Variants in LZTFL1 observed in about 807,000 individuals in gnomAD.
LZTFL1 encodes leucine zipper transcription factor-like protein 1.
Under a neutral mutation model 45.9 loss-of-function variants are expected in LZTFL1, and 25 were observed. That is an observed-to-expected ratio of 0.54 (90% CI 0.40 to 0.76). The LOEUF (loss-of-function observed/expected upper bound fraction) is 0.76. LZTFL1 is among the 30% of genes least tolerant of loss of function. LZTFL1 has a pLI of 0.00. For missense variants in LZTFL1, 277 were observed against 331.1 expected (o/e 0.84, Z 1.27); for synonymous variants, 93 against 117.4 (o/e 0.79, Z 1.35).
At position 45,902,097 on chromosome 3, in the gene LZTFL1, T is replaced by C. The variant is rs1299538806; in HGVS notation, c.-215+11023A>G. On this transcript the variant is annotated intron_variant, in intron 2 of 4. Transcript: ENST00000472635. ...ACTGACTAGTGCAGGAGGCTGTTGA[T>C]TGGCTCTTGACTGTGATGCCCGCAA... 1.3e-5 allele frequency: 7 copies of C among 548,928 alleles called. No homozygotes were observed. In the East Asian group the frequency reaches 1.5e-4, roughly 12 times the overall value. The allele number at this position is 548,928 out of a possible 1,614,324, so 34.0% of individuals were successfully genotyped here. A position where few individuals can be genotyped will look rare whatever the true frequency, so the allele number is the denominator to read the frequency against.
intron 3 of LZTFL1, among the ~76,000 whole-genome samples, chr3:45,856,839 C>T (rs572255421): frequency 1.3e-5 from 2 of 152,200 alleles, no homozygotes; most frequent in African/African-American, 4.8e-5. Context: ...TCATGCCAGT[C>T]AGAATGGTGA....
intron 2 of LZTFL1, chr3:45,883,620 A>C: frequency 5.2e-6 from 2 of 387,742 alleles, no homozygotes; most frequent in Non-Finnish European, 9.9e-6. Flanking sequence ...TCTTCAAAGT[A>C]TAAGTCAAAA....
At chr3:45,857,641 T>C (rs773384322) in intron 3 of LZTFL1, among the ~76,000 whole-genome samples, 2 of 152,242 alleles carry the variant, frequency 1.3e-5, no homozygotes, top group Non-Finnish European at 2.9e-5. Context: ...CAATTTTAAA[T>C]ATTTAAAGTA....
At chr3:45,899,678 T>C (rs183189457) in intron 2 of LZTFL1, among the ~76,000 whole-genome samples, 7 of 152,276 alleles carry the variant, frequency 4.6e-5, no homozygotes, top group East Asian at 3.9e-4. Context: ...AGAAGGAAAC[T>C]GGTGGGAAGT....
At chr3:45,910,105 G>T (rs1379384309) in intron 2 of LZTFL1, among the ~76,000 whole-genome samples, 2 of 152,160 alleles carry the variant, frequency 1.3e-5, no homozygotes, top group African/African-American at 4.8e-5. Context: ...ATTTTTAAGT[G>T]GGGTGTGGCA....
intron 2 of LZTFL1, among the ~76,000 whole-genome samples, chr3:45,868,425 T>A (rs868196641): frequency 6.6e-6 from 1 of 152,170 alleles, no homozygotes; most frequent in Non-Finnish European, 1.5e-5. Flanking sequence ...TTAGCCAAGT[T>A]CTGGTTCTAG....
chr3:45,837,804 T>C, intron 2 of LZTFL1, 123 bp downstream of exon 2: 1 of 1,074,760 alleles, frequency 9.3e-7, no homozygotes, highest in Admixed American at 2.7e-5. Context: ...GTAGCTGCTC[T>C]TAGCAAATAA....
intron 4 of LZTFL1, among the ~76,000 whole-genome samples, chr3:45,853,740 T>C (rs941868108): frequency 6.6e-6 from 1 of 152,226 alleles, no homozygotes; most frequent in Admixed American, 6.5e-5. Flanking sequence ...AAAGTCATTC[T>C]CAAGTCTCCT....
In LZTFL1 at chr3:45,901,773, G is replaced by A. The variant is rs200829701; in HGVS notation, c.-215+11347C>T. ...GGGTGAGAGATTCCGCCGGGATCTC[G>A]TGAAAACCCTGAAGAACTTGGGTTG... On this transcript the variant is annotated intron_variant, in intron 2 of 4. Coordinates refer to the LZTFL1 transcript ENST00000472635. The surrounding 1 kb of genome is among the most constrained non-coding windows in gnomAD (Gnocchi z 4.3). 1.9e-5 allele frequency: 30 copies of A among 1,614,038 alleles called. No individual in the cohort carries two copies. The highest frequency in any genetic ancestry group is 2.2e-5 in the East Asian group (1 of 44,892).
chr3:45,827,319 G>C (rs754519232), intron 9 of LZTFL1, 37 bp downstream of exon 9: 19 of 1,423,816 alleles, frequency 1.3e-5, no homozygotes, highest in Non-Finnish European at 1.9e-5. Flanking sequence ...CATCAATCCA[G>C]AGAGAGAAAT....
chr3:45,913,055 A>T (rs1463671154), intron 2 of LZTFL1: 3 of 1,433,034 alleles, frequency 2.1e-6, no homozygotes, highest in African/African-American at 2.8e-5. Flanking sequence ...AGAGAAAACC[A>T]CTCCTACAGC....
chr3:45,906,990 A>T lies in LZTFL1; in HGVS notation c.-215+6130T>A, dbSNP rs72890697. Among the ~76,000 whole-genome samples, 936 of 152,288 alleles carry T rather than the reference A, an allele frequency of 6.1e-3. 10 individuals are homozygous for T. The highest frequency in any genetic ancestry group is 0.02 in the African/African-American group (842 of 41,540). ...CAGATTCCCTGTGCGGGATCCAGGCATTACTCACTGCTGTCCCCACGTGGC... is the reference window on the plus strand; with the variant it reads ...CAGATTCCCTGTGCGGGATCCAGGCTTTACTCACTGCTGTCCCCACGTGGC... On this transcript the variant is annotated intron_variant, in intron 2 of 4. Coordinates refer to the LZTFL1 transcript ENST00000472635.
chr3:45,907,930 A>G (rs1702713060), intron 2 of LZTFL1, among the ~76,000 whole-genome samples: 1 of 152,216 alleles, frequency 6.6e-6, no homozygotes, highest in African/African-American at 2.4e-5. Context: ...TTGAGGCCAG[A>G]AAGAGCTACA....
In LZTFL1 at chr3:45,842,041, G is replaced by T. The variant is rs376649466; in HGVS notation, c.-50C>A. The T allele has an allele frequency of 5.6e-6, 9 of 1,598,316 alleles. No homozygotes were observed. Among genetic ancestry groups the T allele is most frequent in the Non-Finnish European group, 6.8e-6 (8 of 1,175,200 alleles). On this transcript the variant is annotated 5_prime_UTR_variant, in exon 1 of 10. Transcript: ENST00000296135. The stretch of plus-strand genomic sequence containing the variant: ...AAAGGAACGGGAGAGGCCAGGCGGT[G>T]CCCCGCCAAGCCTGGGATCGCCGAG...
At chr3:45,860,160 C>A (rs1384147329) in intron 2 of LZTFL1, among the ~76,000 whole-genome samples, 1 of 151,898 alleles carries the variant, frequency 6.6e-6, no homozygotes, top group South Asian at 2.1e-4. Flanking sequence ...TGCAGTGAGC[C>A]GAGATTGCGC....
Position 45,900,829 on chromosome 3 carries a change from C to T in LZTFL1, c.-215+12291G>A. 2 of 1,612,348 alleles carry T rather than the reference C, an allele frequency of 1.2e-6. No individual in the cohort carries two copies. Among genetic ancestry groups the T allele is most frequent in the South Asian group, 2.2e-5 (2 of 90,884 alleles). On this transcript the variant is annotated intron_variant, in intron 2 of 4. Transcript: ENST00000472635. This position sits in a 1 kb window ranked among gnomAD's most constrained non-coding sequence, Gnocchi z 4.7. ...TTGCAGAGCCCTATTCCTAACATGGCTGATGACTATGGCTCTGAATCCACA... is the reference window on the plus strand; with the variant it reads ...TTGCAGAGCCCTATTCCTAACATGGTTGATGACTATGGCTCTGAATCCACA...
intron 2 of LZTFL1, among the ~76,000 whole-genome samples, chr3:45,891,852 C>G (rs57527954): frequency 0.51 from 78,204 of 151,932 alleles, 23,300 homozygotes; most frequent in African/African-American, 0.83. Context: ...CTTCATTTTG[C>G]GTTTTTCTGA....
chr3:45,910,142 C>T lies in LZTFL1; in HGVS notation c.-215+2978G>A, dbSNP rs142312249. ...GATCCAATTCATGTTTTAAAGATCTCTAAAGCCCCCAGGAGAAGAAGGGTG... is the reference window on the plus strand; with the variant it reads ...GATCCAATTCATGTTTTAAAGATCTTTAAAGCCCCCAGGAGAAGAAGGGTG... On this transcript the variant is annotated intron_variant, in intron 2 of 4. Transcript: ENST00000472635. 1.9e-3 allele frequency among the ~76,000 whole-genome samples: 288 copies of T among 152,212 alleles called. 2 individuals are homozygous for T. Among genetic ancestry groups the T allele is most frequent in the African/African-American group, 6.7e-3 (280 of 41,528 alleles).
chr3:45,892,869 C>T (rs1355962617), intron 2 of LZTFL1, among the ~76,000 whole-genome samples: 1 of 152,208 alleles, frequency 6.6e-6, no homozygotes, highest in Non-Finnish European at 1.5e-5. Flanking sequence ...GTTCTGGTTG[C>T]TTTCCTCCTC....
Sources: gnomAD v4.1 joint callset for allele counts (sites outside exome capture counted in the v4.1 genomes callset) on GRCh38, gnomAD v4.1.1 for gene constraint, Gnocchi (gnomAD v3.1) non-coding constraint, MANE v1.5 for transcripts, NCBI Gene and HGNC (gene_info 2026-07-23, HGNC 2026-07-21) for gene names.